Variants in DUSP10 observed in about 807,000 individuals in gnomAD.
The protein encoded by DUSP10 is dual specificity phosphatase 10.
Under a neutral mutation model 30.8 loss-of-function variants are expected in DUSP10, and 14 were observed. The observed-to-expected ratio is 0.46, with a 90% CI of 0.30 to 0.71. DUSP10 has a LOEUF of 0.71. Ranked by LOEUF, DUSP10 falls within the 30% of genes least tolerant of loss-of-function variation. The pLI, the probability that DUSP10 is intolerant of heterozygous loss-of-function variation, is 0.08. For synonymous variants in DUSP10, 254 were observed against 250.4 expected (o/e 1.01, Z -0.14); for missense variants, 550 against 619.4 (o/e 0.89, Z 1.19).
intron 2 of DUSP10, among the ~76,000 whole-genome samples, chr1:221,730,524 G>A (rs1661557659): frequency 6.6e-6 from 1 of 152,166 alleles, no homozygotes; most frequent in African/African-American, 2.4e-5. Flanking sequence ...TTCAAGTCGG[G>A]GGCCAGGGTT....
Position 221,739,172 on chromosome 1 carries a change from A to T in DUSP10, c.573T>A (p.Ala191=). ...TCTTATCGGCACAGTTAATGTGGAC[A>T]GCTCCTTGGATGTGACTCTTGTTGT... ...MEYNKSHIQG[A]VHINCADKIS... Residue 191 remains alanine, a synonymous_variant, in exon 2 of 4, where the codon GCT becomes GCA. Coordinates refer to ENST00000366899, the MANE Select transcript of DUSP10 (RefSeq NM_007207.6). 1 of 1,614,196 alleles carries T rather than the reference A, an allele frequency of 6.2e-7. No homozygotes were observed. Among genetic ancestry groups the T allele is most frequent in the East Asian group, 2.2e-5 (1 of 44,888 alleles).
Position 221,702,752 on chromosome 1 carries a change from A to C in DUSP10, c.1184-75T>G. ...GCACGGAGAGAGAAACTTTCATCTC[A>C]ACTTTGCAATGCCTTATTTTGTATA... On this transcript the variant is annotated intron_variant, in intron 3 of 3. Coordinates refer to ENST00000366899, the MANE Select transcript of DUSP10 (RefSeq NM_007207.6). This position sits in a 1 kb window ranked among gnomAD's most constrained non-coding sequence, Gnocchi z 4.5. 7 of 1,482,546 alleles carry C rather than the reference A, an allele frequency of 4.7e-6. No individual in the cohort carries two copies. The highest frequency in any genetic ancestry group is 1.2e-5 in the South Asian group (1 of 82,418). The allele number at this position is 1,482,546 out of a possible 1,614,324, so 91.8% of individuals were successfully genotyped here.
intron 2 of DUSP10, among the ~76,000 whole-genome samples, chr1:221,732,263 C>T (rs1661632552): frequency 6.6e-6 from 1 of 152,216 alleles, no homozygotes; most frequent in Admixed American, 6.5e-5. Context: ...TCCCTAGAAG[C>T]CTAAGATGGT....
intron 2 of DUSP10, among the ~76,000 whole-genome samples, chr1:221,717,918 A>G (rs960096682): frequency 3.9e-5 from 6 of 152,154 alleles, no homozygotes; most frequent in Non-Finnish European, 8.8e-5. Context: ...CCAAATGAAT[A>G]TAGTGCCACT....
intron 1 of DUSP10, among the ~76,000 whole-genome samples, chr1:221,741,750 A>G (rs1167663707): frequency 6.6e-6 from 1 of 152,112 alleles, no homozygotes; most frequent in Non-Finnish European, 1.5e-5. Context: ...AGTAGACTGC[A>G]GGGAGTAAAC....
intron 2 of DUSP10, among the ~76,000 whole-genome samples, chr1:221,719,163 T>G (rs984520238): frequency 6.6e-6 from 1 of 152,184 alleles, no homozygotes; most frequent in African/African-American, 2.4e-5. Context: ...CAGGAAGTGG[T>G]AGGGGAAAGG....
chr1:221,706,390 C>G lies in DUSP10; in HGVS notation c.888G>C (p.Val296=). ...TCGAGGCCGCGGATGCGCCGCCCCC[C>G]ACCTCCCGGCACTCTTGGAGCTGGA... ...NSLQLQECRE[V]GGGASAASSL... The change falls in exon 3 of 4, where the codon GTG becomes GTC. Residue 296 remains valine (V), a synonymous_variant. Coordinates refer to ENST00000366899, the MANE Select transcript of DUSP10 (RefSeq NM_007207.6). This position sits in a 1 kb window ranked among gnomAD's most constrained non-coding sequence, Gnocchi z 4.6. The G allele has an allele frequency of 1.9e-6, 3 of 1,574,822 alleles. No individual in the cohort carries two copies. The highest frequency in any genetic ancestry group is 1.7e-6 in the Non-Finnish European group (2 of 1,158,398).
At chr1:221,724,515 T>G (rs1335349108) in intron 2 of DUSP10, among the ~76,000 whole-genome samples, 1 of 152,168 alleles carries the variant, frequency 6.6e-6, no homozygotes, top group Non-Finnish European at 1.5e-5. Context: ...TGGTATATAT[T>G]TTACACCTAC....
intron 1 of DUSP10, among the ~76,000 whole-genome samples, chr1:221,740,953 G>A (rs946637049): frequency 6.6e-6 from 1 of 152,148 alleles, no homozygotes; most frequent in Non-Finnish European, 1.5e-5. Context: ...CCCACGCCAA[G>A]AGACGCTCAC....
rs1302504708 is a variant in DUSP10 at position 221,702,356 on chromosome 1, C to T, written c.*56G>A. On this transcript the variant is annotated 3_prime_UTR_variant, in exon 4 of 4. Transcript: ENST00000366899. This position sits in a 1 kb window ranked among gnomAD's most constrained non-coding sequence, Gnocchi z 4.5. ...GAAAGAAAAAAAACCAGAATCCATCCTCCTTCCTCATTGTCTCCTAATGGA... is the reference window on the plus strand; with the variant it reads ...GAAAGAAAAAAAACCAGAATCCATCTTCCTTCCTCATTGTCTCCTAATGGA... The T allele has an allele frequency of 6.4e-7, 1 of 1,550,796 alleles. No homozygotes were observed. The highest frequency in any genetic ancestry group is 8.7e-7 in the Non-Finnish European group (1 of 1,149,146).
intron 2 of DUSP10, among the ~76,000 whole-genome samples, chr1:221,712,968 G>A (rs1209277957): frequency 2.0e-5 from 3 of 152,066 alleles, no homozygotes; most frequent in African/African-American, 7.2e-5. Flanking sequence ...TAGCCATCCT[G>A]GTATTTTAAG....
chr1:221,712,777 CAAAAAAA>C (rs58249338), intron 2 of DUSP10, among the ~76,000 whole-genome samples: 3 of 56,950 alleles, frequency 5.3e-5, no homozygotes, highest in Non-Finnish European at 9.2e-5. Flanking sequence ...TATAAAGCAG[CAAAAAAA>C]AAAAAAAAAA....
intron 2 of DUSP10, chr1:221,737,144 A>G (rs760959265): frequency 6.1e-5 from 60 of 985,422 alleles, no homozygotes; most frequent in Non-Finnish European, 7.2e-5. Flanking sequence ...CAAAATAGAG[A>G]GTAGGGTCTG....
chr1:221,706,531 C>T lies in DUSP10; in HGVS notation c.812-65G>A, dbSNP rs959822057. The T allele has an allele frequency of 4.6e-6, 6 of 1,314,594 alleles. No homozygotes were observed. The highest frequency in any genetic ancestry group is 3.0e-5 in the African/African-American group (2 of 67,382). The allele number at this position is 1,314,594 out of a possible 1,614,324, so 81.4% of individuals were successfully genotyped here. A position where few individuals can be genotyped will look rare whatever the true frequency, so the allele number is the denominator to read the frequency against. On this transcript the variant is annotated intron_variant, in intron 2 of 3. Transcript: ENST00000366899. The surrounding 1 kb of genome is among the most constrained non-coding windows in gnomAD (Gnocchi z 4.6). ...CAGAGCTGGCAGAGAATGCCACCTC[C>T]CCATTAGAATGAGTTTGCATTGTAG...
chr1:221,707,363 T>C (rs1243818959), intron 2 of DUSP10, among the ~76,000 whole-genome samples: 1 of 152,176 alleles, frequency 6.6e-6, no homozygotes, highest in Non-Finnish European at 1.5e-5. Flanking sequence ...TAGAACAGAA[T>C]GTGAGAGCAG....
chr1:221,734,297 G>C (rs1661701183), intron 2 of DUSP10, among the ~76,000 whole-genome samples: 1 of 152,184 alleles, frequency 6.6e-6, no homozygotes, highest in African/African-American at 2.4e-5. Context: ...AATTACTCCA[G>C]CCTCCTGGCC....
At chr1:221,703,744 C>T (rs1660677087) in intron 3 of DUSP10, among the ~76,000 whole-genome samples, 1 of 152,170 alleles carries the variant, frequency 6.6e-6, no homozygotes, top group Non-Finnish European at 1.5e-5. Flanking sequence ...TCTAACACAT[C>T]CCTAAGAAAG....
intron 2 of DUSP10, among the ~76,000 whole-genome samples, chr1:221,728,281 A>G (rs1280535590): frequency 1.3e-5 from 2 of 152,160 alleles, no homozygotes; most frequent in Non-Finnish European, 2.9e-5. Context: ...TTGTGACGAA[A>G]TCTTATAGTT....
chr1:221,728,048 C>A (rs748786071), intron 2 of DUSP10, among the ~76,000 whole-genome samples: 1 of 152,170 alleles, frequency 6.6e-6, no homozygotes, highest in East Asian at 1.9e-4. Flanking sequence ...TGGATCATCA[C>A]AGGGGTGGGT....
Sources: gnomAD v4.1 joint callset for allele counts (sites outside exome capture counted in the v4.1 genomes callset) on GRCh38, gnomAD v4.1.1 for gene constraint, Gnocchi (gnomAD v3.1) non-coding constraint, MANE v1.5 for transcripts, NCBI Gene and HGNC (gene_info 2026-07-23, HGNC 2026-07-21) for gene names.